The following ABI3BP variants were observed in gnomAD, a reference collection of about 807,000 sequenced individuals.
ABI3BP encodes ABI family member 3 binding protein, also known as target of Nesh-SH3.
A neutral mutation model predicts 268.6 loss-of-function variants in ABI3BP; 216 were observed. The observed-to-expected ratio is 0.80, with a 90% CI of 0.72 to 0.90. The LOEUF is 0.90. Among genes scored for constraint, ABI3BP ranks in the 40% least tolerant of loss-of-function variants. The probability of loss-of-function intolerance (pLI) is 0.00; values close to 1 mark genes in which losing one functional copy is unlikely to be tolerated. For synonymous variants in ABI3BP, 730 were observed against 730.0 expected (o/e 1.00, Z 0.00); for missense variants, 2,090 against 2,182.4 (o/e 0.96, Z 0.84).
In ABI3BP at chr3:100,946,788, C is replaced by CAAAAA. The variant is rs71800962; in HGVS notation, c.80-20312_80-20308dup. ...GGGCAACAAGAGTGAAACTCCGTTT[C>CAAAAA]AAAAAAAAAAAAAAAGAAAAGAAAT... is the stretch of plus-strand genomic sequence containing the variant. On this transcript the variant is annotated intron_variant, in intron 1 of 67. Transcript: ENST00000471714. 1.1e-4 allele frequency among the ~76,000 whole-genome samples: 10 copies of CAAAAA among 87,120 alleles called. No individual in the cohort carries two copies. The East Asian group carries it at 3.6e-3, about 31-fold the overall frequency. The allele number at this position is 87,120 out of a possible 152,430, so 57.2% of individuals were successfully genotyped here.
At chr3:100,959,384 G>A (rs2078051613) in intron 1 of ABI3BP, among the ~76,000 whole-genome samples, 1 of 150,730 alleles carries the variant, frequency 6.6e-6, no homozygotes, top group East Asian at 2.0e-4. Context: ...CAGCTACTCG[G>A]GAGGCTGAGG....
chr3:100,970,176 A>G (rs1306340046), intron 1 of ABI3BP, among the ~76,000 whole-genome samples: 1 of 152,198 alleles, frequency 6.6e-6, no homozygotes, highest in African/African-American at 2.4e-5. Flanking sequence ...GCATTCTCCT[A>G]AAGATCTTGA....
chr3:100,882,907 C>A (rs4928093), intron 6 of ABI3BP, among the ~76,000 whole-genome samples: 114,688 of 151,990 alleles, frequency 0.75, 43,632 homozygotes, highest in Non-Finnish European at 0.8. Flanking sequence ...GCTTCCTAGG[C>A]AACCATTCAC....
chr3:100,757,460 G>A (rs2095682197), intron 63 of ABI3BP, among the ~76,000 whole-genome samples: 1 of 152,136 alleles, frequency 6.6e-6, no homozygotes, highest in Admixed American at 6.5e-5. Flanking sequence ...CAGTAACACT[G>A]GAAGTTAGAA....
chr3:100,970,701 G>T (rs948271685), intron 1 of ABI3BP, among the ~76,000 whole-genome samples: 2 of 152,146 alleles, frequency 1.3e-5, no homozygotes, highest in East Asian at 1.9e-4. Flanking sequence ...CTCCTCGCAG[G>T]GTAGTTCCAC....
chr3:100,795,097 A>G (rs1415635640), intron 53 of ABI3BP, 94 bp from the exon 54 acceptor site: 5 of 773,126 alleles, frequency 6.5e-6, no homozygotes, highest in African/African-American at 1.8e-5. Context: ...CATTTGAAGT[A>G]GAAAAAGGAA....
intron 51 of ABI3BP, among the ~76,000 whole-genome samples, chr3:100,797,031 G>A (rs757632808): frequency 3.3e-5 from 5 of 152,186 alleles, no homozygotes; most frequent in Non-Finnish European, 7.4e-5. Flanking sequence ...GATACCACAT[G>A]TAAAGTTAAT....
intron 2 of ABI3BP, among the ~76,000 whole-genome samples, chr3:100,920,883 C>A (rs1383335072): frequency 6.6e-6 from 1 of 152,202 alleles, no homozygotes; most frequent in African/African-American, 2.4e-5. Context: ...GTCTGTCTGA[C>A]TCAAAAGTAA....
chr3:100,762,206 T>A (rs1324814136), intron 63 of ABI3BP, among the ~76,000 whole-genome samples: 4 of 152,202 alleles, frequency 2.6e-5, no homozygotes, highest in Admixed American at 6.5e-5. Context: ...TGGATCATGG[T>A]TGGGTAGAAG....
intron 28 of ABI3BP, 22 bp downstream of exon 28, chr3:100,835,573 CATACTT>C (rs2098564639): frequency 6.6e-7 from 1 of 1,508,848 alleles, no homozygotes; most frequent in Non-Finnish European, 8.9e-7. Flanking sequence ...AGAAAAAACT[CATACTT>C]AAAGACATAA....
intron 6 of ABI3BP, among the ~76,000 whole-genome samples, chr3:100,876,988 CA>C (rs2099167551): frequency 6.6e-6 from 1 of 151,962 alleles, no homozygotes; most frequent in Non-Finnish European, 1.5e-5. Context: ...GACTCCATCT[CA>C]AAAAAAGTTG....
rs1157852050 is a variant in ABI3BP, at chr3:100,914,015, C to G, written c.260-11329G>C. Among the ~76,000 whole-genome samples, 4 of 152,100 alleles carry G rather than the reference C, an allele frequency of 2.6e-5. No homozygotes were observed. In the East Asian group the frequency reaches 5.8e-4, roughly 22 times the overall value. On this transcript the variant is annotated intron_variant, in intron 2 of 67. Transcript: ENST00000471714. ...GAAGAAAGATGAATGAAGCCCGAGG[C>G]TTTGCAGGCAGAAAGGAAAAAAAAT...
intron 1 of ABI3BP, among the ~76,000 whole-genome samples, chr3:100,971,911 G>A (rs755994846): frequency 7.2e-5 from 11 of 152,038 alleles, no homozygotes; most frequent in Non-Finnish European, 1.3e-4. Flanking sequence ...GAGGTGTGAG[G>A]ATTCTTGCCA....
intron 1 of ABI3BP, among the ~76,000 whole-genome samples, chr3:100,953,876 T>C (rs887058722): frequency 6.6e-6 from 1 of 152,042 alleles, no homozygotes; most frequent in Non-Finnish European, 1.5e-5. Context: ...AAAAAGCAAA[T>C]AGACCAGTTT....
intron 18 of ABI3BP, among the ~76,000 whole-genome samples, chr3:100,848,093 T>A (rs1373248864): frequency 1.3e-5 from 2 of 152,220 alleles, no homozygotes; most frequent in African/African-American, 4.8e-5. Context: ...TGGAAATAAG[T>A]TATGTAAATG....
chr3:100,833,920 TG>T (rs1333341661), intron 29 of ABI3BP, among the ~76,000 whole-genome samples: 1 of 152,184 alleles, frequency 6.6e-6, no homozygotes, highest in Middle Eastern at 3.2e-3. Flanking sequence ...GACACCTTCC[TG>T]CCTCTGTTTA....
At position 100,835,667 on chromosome 3, in the gene ABI3BP, A is replaced by G; in HGVS notation, c.2132-7T>C. ...TCAATGTCTGTGGTGGGAACTAACCAAAAGCAATACAATAAACAATGGAGA... is the reference window on the plus strand; with the variant it reads ...TCAATGTCTGTGGTGGGAACTAACCGAAAGCAATACAATAAACAATGGAGA... On this transcript the variant is annotated splice_region_variant and splice_polypyrimidine_tract_variant and intron_variant, in intron 27 of 67. Coordinates refer to ENST00000471714, the MANE Select transcript of ABI3BP (RefSeq NM_001375547.2). 6.5e-7 allele frequency: 1 copy of G among 1,531,874 alleles called. No homozygotes were observed. The highest frequency in any genetic ancestry group is 2.4e-5 in the East Asian group (1 of 40,826). 94.9% of individuals were successfully genotyped at this position (1,531,874 alleles called of 1,614,324 possible). A position where few individuals can be genotyped will look rare whatever the true frequency, so the allele number is the denominator to read the frequency against.
At chr3:100,848,906 A>G (rs541103589) in intron 17 of ABI3BP, 31 bp from the exon 18 acceptor site, 3 of 1,596,538 alleles carry the variant, frequency 1.9e-6, no homozygotes, top group Non-Finnish European at 2.6e-6. Context: ...GCTTTGATAA[A>G]TGATATTTTT....
chr3:100,936,168 T>G (rs2066036978), intron 1 of ABI3BP, among the ~76,000 whole-genome samples: 1 of 149,020 alleles, frequency 6.7e-6, no homozygotes, highest in African/African-American at 2.4e-5. Context: ...CCTAGTTTAT[T>G]GAGAGTTTTT....
Sources: gnomAD v4.1 joint callset for allele counts (sites outside exome capture counted in the v4.1 genomes callset) on GRCh38, gnomAD v4.1.1 for gene constraint, MANE v1.5 for transcripts, NCBI Gene and HGNC (gene_info 2026-07-23, HGNC 2026-07-21) for gene names.